The following AFF3 variants were observed in gnomAD, a reference collection of about 807,000 sequenced individuals.
The protein encoded by AFF3 is ALF transcription elongation factor 3, also known as AF4/FMR2 family member 3.
Under a neutral mutation model 129.7 loss-of-function variants are expected in AFF3, and 32 were observed. That is an observed-to-expected ratio of 0.25 (90% confidence interval 0.19 to 0.33). The LOEUF (loss-of-function observed/expected upper bound fraction) is 0.33, where lower values mean the gene tolerates loss of function less well. Ranked by LOEUF, AFF3 falls within the 10% of genes least tolerant of loss-of-function variation. The pLI is 1.00. For synonymous variants in AFF3, 644 were observed against 635.4 expected, an observed-to-expected ratio of 1.01 and a Z score of -0.20; for missense variants, 1,373 against 1,592.0, an observed-to-expected ratio of 0.86 and a Z score of 2.34.
At chr2:99,759,525 T>C (rs189454236) in intron 8 of AFF3, among the ~76,000 whole-genome samples, 335 of 152,364 alleles carry the variant, frequency 2.2e-3, no homozygotes, top group Non-Finnish European at 3.8e-3. Context: ...AACATCCACA[T>C]TTCAATGCAA....
chr2:100,017,546 T>A (rs544777540), intron 4 of AFF3, among the ~76,000 whole-genome samples: 2 of 152,240 alleles, frequency 1.3e-5, no homozygotes, highest in South Asian at 2.1e-4. Context: ...ACTATGACAT[T>A]AAAGGGAGTC....
At chr2:99,860,945 A>G (rs1281614565) in intron 7 of AFF3, among the ~76,000 whole-genome samples, 1 of 152,198 alleles carries the variant, frequency 6.6e-6, no homozygotes, top group Non-Finnish European at 1.5e-5. Context: ...TAAGCAGTGC[A>G]GCATTATGAA....
intron 10 of AFF3, among the ~76,000 whole-genome samples, chr2:99,737,443 A>AT (rs59647228): frequency 0.72 from 109,061 of 150,696 alleles, 40,161 homozygotes; most frequent in East Asian, 0.92. Flanking sequence ...GACTCATTAA[A>AT]TTTTTTTTTT....
intron 4 of AFF3, among the ~76,000 whole-genome samples, chr2:100,052,689 T>C (rs1686440775): frequency 6.6e-6 from 1 of 152,134 alleles, no homozygotes; most frequent in Non-Finnish European, 1.5e-5. Context: ...GGTGGGTCCA[T>C]TTGCCAAATC....
intron 4 of AFF3, among the ~76,000 whole-genome samples, chr2:100,074,101 C>T (rs557235894): frequency 1.3e-5 from 2 of 152,298 alleles, no homozygotes; most frequent in South Asian, 2.1e-4. Context: ...TGAATCGCTG[C>T]AAGCCTTGGT....
In AFF3 at chr2:99,593,635, A is replaced by T. The variant is rs1482423511; in HGVS notation, c.2026T>A (p.Ser676Thr). The T allele has an allele frequency of 1.2e-6, 2 of 1,609,696 alleles. No individual in the cohort carries two copies. The highest frequency in any genetic ancestry group is 3.3e-5 in the Admixed American group (2 of 59,702). ...TCGGACTCCAGGTCGGAGTCCGAGG[A>T]GGAGGATGAAGATGACGACTCTGTC... is the stretch of plus-strand genomic sequence containing the variant. ...IETESSSSSSSSDSDLESEQE... is the reference protein window; with the variant it reads ...IETESSSSSSTSDSDLESEQE... Residue 676 changes from serine (S) to threonine (T), a missense_variant, in exon 15 of 25, where the codon TCC (serine) becomes ACC (threonine). This residue lies in a region of AFF3 where 466 missense variants were observed against 505.0 expected (regional missense o/e 0.92). Coordinates refer to ENST00000672756, the MANE Select transcript of AFF3 (RefSeq NM_001386135.1).
At chr2:100,121,064 G>C (rs1436513007) in intron 2 of AFF3, among the ~76,000 whole-genome samples, 2 of 152,230 alleles carry the variant, frequency 1.3e-5, no homozygotes, top group Non-Finnish European at 2.9e-5. Flanking sequence ...AAATGATAGG[G>C]ACAGGAGGCA....
Position 99,578,409 on chromosome 2 carries a change from A to C in AFF3, c.2836T>G (p.Ser946Ala). 1 of 1,611,526 alleles carries C rather than the reference A, an allele frequency of 6.2e-7. No individual in the cohort carries two copies. The highest frequency in any genetic ancestry group is 8.5e-7 in the Non-Finnish European group (1 of 1,179,112). ...NNSENIPLHK[S>A]RPQTKPWSPG... ...GACCACGGCTTCGTCTGCGGCCGTG[A>C]CTTGTGGAGGGGAATGTTTTCAGAA... The change falls in exon 18 of 25, where the codon TCA becomes GCA. Residue 946 changes from serine (S) to alanine (A), a missense_variant. Transcript: ENST00000672756.
intron 8 of AFF3, among the ~76,000 whole-genome samples, chr2:99,777,495 A>T (rs953033099): frequency 6.6e-6 from 1 of 152,132 alleles, no homozygotes. Flanking sequence ...ATGCTGAGTC[A>T]TGGGGAGTGG....
At chr2:99,826,062 T>C (rs1396624928) in intron 8 of AFF3, among the ~76,000 whole-genome samples, 3 of 152,218 alleles carry the variant, frequency 2.0e-5, no homozygotes, top group Non-Finnish European at 4.4e-5. Context: ...TTACCCAGGC[T>C]GCAGTGCAGT....
At chr2:100,026,706 TATATATATAA>T (rs1477228952) in intron 4 of AFF3, among the ~76,000 whole-genome samples, 6 of 130,166 alleles carry the variant, frequency 4.6e-5, no homozygotes, top group South Asian at 2.5e-4. Context: ...TATAAATAAA[TATATATATAA>T]ATATATATAT....
chr2:100,102,455 A>T (rs950213970), intron 4 of AFF3, among the ~76,000 whole-genome samples: 17 of 152,356 alleles, frequency 1.1e-4, no homozygotes, highest in African/African-American at 4.1e-4. Context: ...TTGCACGTAC[A>T]TCAACTTTTT....
chr2:99,610,516 T>G (rs1461059816), intron 13 of AFF3, among the ~76,000 whole-genome samples: 3 of 152,218 alleles, frequency 2.0e-5, no homozygotes, highest in African/African-American at 7.2e-5. Context: ...ATAGCTTGTT[T>G]CTTTTTATTG....
chr2:100,006,728 C>T lies in AFF3; in HGVS notation c.777G>A (p.Val259=). The T allele has an allele frequency of 4.3e-6, 7 of 1,614,236 alleles. No individual in the cohort carries two copies. Among genetic ancestry groups the T allele is most frequent in the Non-Finnish European group, 5.9e-6 (7 of 1,180,032 alleles). The change falls in exon 7 of 25, where the codon GTG becomes GTA. Residue 259 remains valine (V), a synonymous_variant. Coordinates refer to ENST00000672756, the MANE Select transcript of AFF3 (RefSeq NM_001386135.1). ...GGACTCCCCTGTATGATGTGCAGTG[C>T]ACGCTGGTTTCCGAAGACGACTTCA... ...PKLKSSSETS[V]HCTSYRGVPA...
intron 13 of AFF3, among the ~76,000 whole-genome samples, chr2:99,617,031 A>G (rs1428717421): frequency 6.6e-6 from 1 of 152,192 alleles, no homozygotes; most frequent in Non-Finnish European, 1.5e-5. Context: ...TTGTATGAAT[A>G]TACCACATTT....
intron 4 of AFF3, among the ~76,000 whole-genome samples, chr2:100,058,305 T>C (rs1256330905): frequency 6.6e-6 from 1 of 152,186 alleles, no homozygotes; most frequent in African/African-American, 2.4e-5. Context: ...CACTCTAAGT[T>C]CAAGCTCTTT....
At chr2:99,976,831 T>C (rs1020958476) in intron 7 of AFF3, among the ~76,000 whole-genome samples, 3 of 151,944 alleles carry the variant, frequency 2.0e-5, no homozygotes, top group Non-Finnish European at 4.4e-5. Context: ...AAGGCTTATA[T>C]TTACTTGATT....
intron 7 of AFF3, among the ~76,000 whole-genome samples, chr2:99,894,793 T>C (rs564793587): frequency 8.7e-4 from 132 of 152,286 alleles, no homozygotes; most frequent in African/African-American, 3.1e-3. Flanking sequence ...ACTTTTAAAA[T>C]GCTTAAATTA....
chr2:100,091,315 T>C (rs1689840998), intron 4 of AFF3, among the ~76,000 whole-genome samples: 2 of 152,226 alleles, frequency 1.3e-5, no homozygotes, highest in Admixed American at 1.3e-4. Context: ...CTGGCCTAGA[T>C]GTCTTTCCAA....
Sources: allele counts gnomAD v4.1 joint callset (sites outside exome capture counted in the v4.1 genomes callset), GRCh38; gene constraint gnomAD v4.1.1; regional missense constraint gnomAD v4.1.1; transcripts MANE v1.5; gene names NCBI Gene and HGNC (gene_info 2026-07-23, HGNC 2026-07-21).